GTF3C4: variants seen among roughly 807,000 people sequenced by gnomAD.
GTF3C4 encodes the protein general transcription factor IIIC subunit 4.
Under a neutral mutation model 67.5 loss-of-function variants are expected in GTF3C4, and 28 were observed. The observed-to-expected ratio is 0.41, with a 90% CI of 0.31 to 0.57. The LOEUF (loss-of-function observed/expected upper bound fraction) is 0.57. Ranked by LOEUF, GTF3C4 falls within the 20% of genes least tolerant of loss-of-function variation. The pLI is 0.21. For synonymous variants in GTF3C4, 409 were observed against 393.0 expected (o/e 1.04, Z -0.48); for missense variants, 831 against 1,033.2 (o/e 0.80, Z 2.68).
chr9:132,676,566 C>T (rs991794864), intron 1 of GTF3C4, among the ~76,000 whole-genome samples: 1 of 152,072 alleles, frequency 6.6e-6, no homozygotes, highest in African/African-American at 2.4e-5. Context: ...AGTGATCCAC[C>T]TACCTCGGCC....
At chr9:132,670,203 C>A, upstream of GTF3C4, 3 of 1,571,438 alleles carry the variant, frequency 1.9e-6, no homozygotes, top group Non-Finnish European at 2.6e-6. Context: ...AGAGTTCACG[C>A]TGGGGAAGCT....
intron 3 of GTF3C4, among the ~76,000 whole-genome samples, chr9:132,683,973 G>A (rs1835986560): frequency 6.6e-6 from 1 of 151,976 alleles, no homozygotes; most frequent in Non-Finnish European, 1.5e-5. Flanking sequence ...CCTCTTCCTA[G>A]CCTCACTCTA....
chr9:132,676,958 T>G (rs1047068767), intron 1 of GTF3C4, among the ~76,000 whole-genome samples: 4 of 152,216 alleles, frequency 2.6e-5, no homozygotes, highest in Non-Finnish European at 5.9e-5. Flanking sequence ...ATAAAGTCCT[T>G]CCTTCTTCCT....
upstream of GTF3C4, chr9:132,670,421 G>T: frequency 9.8e-7 from 1 of 1,024,518 alleles, no homozygotes; most frequent in Non-Finnish European, 1.3e-6. Context: ...CAGTTCCTTG[G>T]CCACCTGGTA....
At position 132,679,820 on chromosome 9, in the gene GTF3C4, A is replaced by C. The variant is rs774941312; in HGVS notation, c.2184+17A>C. 12 of 1,542,866 alleles carry C rather than the reference A, an allele frequency of 7.8e-6. No homozygotes were observed. The highest frequency in any genetic ancestry group is 1.7e-4 in the Middle Eastern group (1 of 5,752). The stretch of plus-strand genomic sequence containing the variant: ...ACTGCACGGGTAGGTGTTTATTAAC[A>C]AAAACTCTGAAATTGTAAAGCCTGC... On this transcript the variant is annotated intron_variant, in intron 2 of 4. Coordinates refer to ENST00000372146, the MANE Select transcript of GTF3C4 (RefSeq NM_012204.4). The surrounding 1 kb of genome is among the most constrained non-coding windows in gnomAD (Gnocchi z 5.9).
rs201188354 is a variant in GTF3C4, at chr9:132,678,715, A to G, written c.1096A>G (p.Met366Val). The G allele has an allele frequency of 1.9e-6, 3 of 1,614,174 alleles. No individual in the cohort carries two copies. Among genetic ancestry groups the G allele is most frequent in the East Asian group, 2.2e-5 (1 of 44,878 alleles). ...GCAGCCTGTTATCTTGTGGAAAGAA[A>G]TGGACCAGTTACCTGTGCACAGTAT... Reference protein sequence around the residue: ...LRQPVILWKEMDQLPVHSIKC... With the variant: ...LRQPVILWKEVDQLPVHSIKC... Residue 366 changes from methionine (M) to valine (V), a missense_variant, in exon 2 of 5, where the codon ATG becomes GTG. Physicochemically the swap from Met to Val is conservative, Grantham distance 21. This residue lies in a region of GTF3C4 where 390 missense variants were observed against 540.3 expected (regional missense o/e 0.72). Coordinates refer to ENST00000372146, the MANE Select transcript of GTF3C4 (RefSeq NM_012204.4). This position sits in a 1 kb window ranked among gnomAD's most constrained non-coding sequence, Gnocchi z 6.5.
intron 1 of GTF3C4, among the ~76,000 whole-genome samples, chr9:132,675,895 CTTTTTTTTTT>C (rs72145516): frequency 4.5e-5 from 4 of 89,042 alleles, no homozygotes; most frequent in Admixed American, 3.3e-4. Flanking sequence ...TCCAGTTACC[CTTTTTTTTTT>C]TTTTTTTTTT....
chr9:132,686,312 C>T (rs575431205), intron 3 of GTF3C4, among the ~76,000 whole-genome samples: 1 of 152,258 alleles, frequency 6.6e-6, no homozygotes, highest in Non-Finnish European at 1.5e-5. Context: ...GGCTGAAATA[C>T]CCCAGTATGA....
In GTF3C4 at chr9:132,670,464, C is replaced by A; in HGVS notation, c.-135C>A. The A allele has an allele frequency of 1.0e-6, 1 of 970,638 alleles. No homozygotes were observed. The highest frequency in any genetic ancestry group is 1.4e-6 in the Non-Finnish European group (1 of 709,100). 60.1% of individuals were successfully genotyped at this position (970,638 alleles called of 1,614,324 possible). The stretch of plus-strand genomic sequence containing the variant: ...GTTGCCTGGCAACGGCGGGGTCCTT[C>A]TTGGCTCGGCGGCGCTCGGGGCCTG... On this transcript the variant is annotated 5_prime_UTR_variant, in exon 1 of 5. Transcript: ENST00000372146.
rs1263522479 is a variant in GTF3C4 at position 132,670,481 on chromosome 9, C to G, written c.-118C>G. 1 of 1,018,976 alleles carries G rather than the reference C, an allele frequency of 9.8e-7. No homozygotes were observed. The highest frequency in any genetic ancestry group is 1.3e-6 in the Non-Finnish European group (1 of 753,184). 63.1% of individuals were successfully genotyped at this position (1,018,976 alleles called of 1,614,324 possible). A position where few individuals can be genotyped will look rare whatever the true frequency, so the allele number is the denominator to read the frequency against. ...GGGTCCTTCTTGGCTCGGCGGCGCT[C>G]GGGGCCTGAGGGGAGAAAACCGCCG... On this transcript the variant is annotated 5_prime_UTR_variant, in exon 1 of 5. Coordinates refer to ENST00000372146, the MANE Select transcript of GTF3C4 (RefSeq NM_012204.4).
In GTF3C4 at chr9:132,670,483, G is replaced by A. The variant is rs1835689148; in HGVS notation, c.-116G>A. On this transcript the variant is annotated 5_prime_UTR_variant, in exon 1 of 5. Transcript: ENST00000372146. ...GTCCTTCTTGGCTCGGCGGCGCTCG[G>A]GGCCTGAGGGGAGAAAACCGCCGCG... 1 of 1,022,920 alleles carries A rather than the reference G, an allele frequency of 9.8e-7. No individual in the cohort carries two copies. Among genetic ancestry groups the A allele is most frequent in the Non-Finnish European group, 1.3e-6 (1 of 755,092 alleles). The allele number at this position is 1,022,920 out of a possible 1,614,324, so 63.4% of individuals were successfully genotyped here.
At position 132,679,164 on chromosome 9, in the gene GTF3C4, C is replaced by G. The variant is rs763470351; in HGVS notation, c.1545C>G (p.Leu515=). ...ACTACCAGGTCCAATTTGTTACTCTCAAAACCTTTGAAGAGGCAGCTGCTC... is the reference window on the plus strand; with the variant it reads ...ACTACCAGGTCCAATTTGTTACTCTGAAAACCTTTGAAGAGGCAGCTGCTC... The part of the protein sequence containing the change: ...NKNYQVQFVT[L]KTFEEAAAQL... The change falls in exon 2 of 5, where the codon CTC becomes CTG. Residue 515 remains leucine (L), a synonymous_variant. Transcript: ENST00000372146. The surrounding 1 kb of genome is among the most constrained non-coding windows in gnomAD (Gnocchi z 5.9). The G allele has an allele frequency of 6.8e-6, 11 of 1,614,064 alleles. No individual in the cohort carries two copies. The East Asian group carries it at 2.2e-4, about 33-fold the overall frequency.
intron 4 of GTF3C4, 150 bp downstream of exon 4, chr9:132,687,477 T>A (rs1836049763): frequency 1.7e-6 from 1 of 600,912 alleles, no homozygotes; most frequent in South Asian, 1.9e-5. Flanking sequence ...CTGCTGCTCT[T>A]TACGGTGTTA....
At chr9:132,670,384 C>T (rs930472849), upstream of GTF3C4, 1 of 1,194,470 alleles carries the variant, frequency 8.4e-7, no homozygotes, top group Non-Finnish European at 1.1e-6. Flanking sequence ...TCGGGGCTCC[C>T]CGCTCGCTGT....
intron 1 of GTF3C4, among the ~76,000 whole-genome samples, chr9:132,674,955 C>T (rs1005865646): frequency 2.0e-5 from 3 of 152,152 alleles, no homozygotes; most frequent in Non-Finnish European, 4.4e-5. Context: ...CACTTGACCC[C>T]GGGAGGTTGA....
chr9:132,683,612 A>C lies in GTF3C4; in HGVS notation c.2234A>C (p.Glu745Ala). 1 of 1,613,306 alleles carries C rather than the reference A, an allele frequency of 6.2e-7. No homozygotes were observed. The change falls in exon 3 of 5, where the codon GAG becomes GCG. Residue 745 changes from glutamate (E) to alanine (A), a missense_variant. Glu to Ala is a moderately radical substitution (Grantham distance 107). This residue lies in a region of GTF3C4 where 129 missense variants were observed against 213.8 expected (regional missense o/e 0.60). Transcript: ENST00000372146. ...AAGATGAACAAACAGACTTTCCCTG[A>C]GCACTGTAGTTTGTGTAAAGAGATC... The part of the protein sequence containing the change: ...SKKMNKQTFP[E>A]HCSLCKEILP...
intron 1 of GTF3C4, among the ~76,000 whole-genome samples, chr9:132,673,057 G>T (rs922453808): frequency 6.6e-6 from 1 of 152,134 alleles, no homozygotes; most frequent in South Asian, 2.1e-4. Flanking sequence ...GGTGGCGGGC[G>T]CCTGTAGTCC....
chr9:132,676,514 C>A (rs984987871), intron 1 of GTF3C4, among the ~76,000 whole-genome samples: 10 of 151,550 alleles, frequency 6.6e-5, no homozygotes, highest in Admixed American at 4.6e-4. Context: ...AGAGATGGGG[C>A]CTCACTATGT....
chr9:132,680,827 G>A (rs1219509092), intron 2 of GTF3C4, among the ~76,000 whole-genome samples: 3 of 152,174 alleles, frequency 2.0e-5, no homozygotes, highest in Non-Finnish European at 4.4e-5. Context: ...GTTAACTTTT[G>A]GGGCTGGGCG....
Sources: allele counts gnomAD v4.1 joint callset (sites outside exome capture counted in the v4.1 genomes callset), GRCh38; gene constraint gnomAD v4.1.1; regional missense constraint gnomAD v4.1.1; non-coding constraint Gnocchi (gnomAD v3.1); transcripts MANE v1.5; gene names NCBI Gene and HGNC (gene_info 2026-07-23, HGNC 2026-07-21).